DMRTA2: variants seen among roughly 807,000 people sequenced by gnomAD.
DMRTA2 encodes the protein DMRT like family A2.
DMRTA2 carries 10 observed loss-of-function variants against 29.7 expected under a neutral mutation model. The observed-to-expected ratio is 0.34, with a 90% CI of 0.21 to 0.57. The LOEUF (loss-of-function observed/expected upper bound fraction) is 0.57. DMRTA2 is among the 20% of genes least tolerant of loss of function. The pLI, the probability that DMRTA2 is intolerant of heterozygous loss-of-function variation, is 0.87. For missense variants in DMRTA2, 783 were observed against 812.1 expected (o/e 0.96, Z 0.44); for synonymous variants, 469 against 402.6 (o/e 1.16, Z -1.97).
In DMRTA2 at chr1:50,419,765, C is replaced by G. The variant is rs777401368; in HGVS notation, c.560-31G>C. On this transcript the variant is annotated intron_variant, in intron 2 of 2. Coordinates refer to ENST00000404795, the MANE Select transcript of DMRTA2 (RefSeq NM_032110.3). This position sits in a 1 kb window ranked among gnomAD's most constrained non-coding sequence, Gnocchi z 6.1. ...AGGGGAGAAAACGTGTCGTGAGGAG[C>G]GGTTAGCTAGAAGACAGCAGTCACA... 61 of 1,442,804 alleles carry G rather than the reference C, an allele frequency of 4.2e-5. No individual in the cohort carries two copies. Among genetic ancestry groups the G allele is most frequent in the Admixed American group, 8.7e-5 (3 of 34,626 alleles). The allele number at this position is 1,442,804 out of a possible 1,614,324, so 89.4% of individuals were successfully genotyped here. A position where few individuals can be genotyped will look rare whatever the true frequency, so the allele number is the denominator to read the frequency against.
At position 50,421,204 on chromosome 1, in the gene DMRTA2, C is replaced by A. The variant is rs1201001401; in HGVS notation, c.333G>T (p.Ala111=). The change falls in exon 2 of 3, where the codon GCG becomes GCT. Residue 111 remains alanine, a synonymous_variant. Transcript: ENST00000404795. This position sits in a 1 kb window ranked among gnomAD's most constrained non-coding sequence, Gnocchi z 8.7. Reference sequence around the variant, plus strand: ...CCTGCTGCCTGCGCAGCGCCACCTGCGCCGCCATGACACGCTGGCGCTCCG... The same window carrying A: ...CCTGCTGCCTGCGCAGCGCCACCTGAGCCGCCATGACACGCTGGCGCTCCG... The part of the protein sequence containing the change: ...LIAERQRVMA[A]QVALRRQQAQ... The A allele has an allele frequency of 6.5e-7, 1 of 1,536,990 alleles. No homozygotes were observed. Among genetic ancestry groups the A allele is most frequent in the Non-Finnish European group, 8.8e-7 (1 of 1,141,504 alleles).
chr1:50,419,659 G>T lies in DMRTA2; in HGVS notation c.635C>A (p.Pro212Gln), dbSNP rs1646021720. The part of the protein sequence containing the change: ...QAGRPGSPLP[P>Q]PVKPLSPDGA... ...GTCGGGTGATAAGGGCTTCACCGGC[G>T]GCGGCAGCGGGCTGCCCGGGCGGCC... Residue 212 changes from proline to glutamine, a missense_variant, in exon 3 of 3, where the codon CCG (proline) becomes CAG (glutamine). Physicochemically the swap from Pro to Gln is moderately conservative, Grantham distance 76 (BLOSUM62 -1). Around this residue, in one of 3 missense-constraint regions of DMRTA2, gnomAD observed 667 missense variants for 624.8 expected, o/e 1.07. Transcript: ENST00000404795. The surrounding 1 kb of genome is among the most constrained non-coding windows in gnomAD (Gnocchi z 6.1). The T allele has an allele frequency of 1.3e-6, 2 of 1,496,188 alleles. No individual in the cohort carries two copies. The highest frequency in any genetic ancestry group is 2.6e-5 in the East Asian group (1 of 39,122). The allele number at this position is 1,496,188 out of a possible 1,614,324, so 92.7% of individuals were successfully genotyped here. A position where few individuals can be genotyped will look rare whatever the true frequency, so the allele number is the denominator to read the frequency against.
Position 50,422,981 on chromosome 1 carries a change from C to CT in DMRTA2, c.-9+134dup, listed in dbSNP as rs1646049892. On this transcript the variant is annotated intron_variant, in intron 1 of 2. Transcript: ENST00000404795. The surrounding 1 kb of genome is among the most constrained non-coding windows in gnomAD (Gnocchi z 5.7). The stretch of plus-strand genomic sequence containing the variant: ...GTGTCTCCGTCCGAGAGTCCCAGAC[C>CT]TCCTCTCTATGAGCGTTGCCTCCTC... 1 of 152,554 alleles carries CT rather than the reference C, an allele frequency of 6.6e-6. No homozygotes were observed. The highest frequency in any genetic ancestry group is 6.5e-5 in the Admixed American group (1 of 15,296). 9.5% of individuals were successfully genotyped at this position (152,554 alleles called of 1,614,324 possible).
rs1192369267 is a variant in DMRTA2 at position 50,420,760 on chromosome 1, C to T, written c.559+218G>A. ...AAAGCGTGTACATTTCGGCCCGATG[C>T]AGGAGAAAGGGGTAAAGTGCAAATG... On this transcript the variant is annotated intron_variant, in intron 2 of 2. Coordinates refer to ENST00000404795, the MANE Select transcript of DMRTA2 (RefSeq NM_032110.3). This position sits in a 1 kb window ranked among gnomAD's most constrained non-coding sequence, Gnocchi z 4.1. 2.6e-5 allele frequency among the ~76,000 whole-genome samples: 4 copies of T among 152,186 alleles called. No individual in the cohort carries two copies.
chr1:50,420,950 C>A lies in DMRTA2; in HGVS notation c.559+28G>T, dbSNP rs144504138. On this transcript the variant is annotated intron_variant, in intron 2 of 2. Coordinates refer to ENST00000404795, the MANE Select transcript of DMRTA2 (RefSeq NM_032110.3). This position sits in a 1 kb window ranked among gnomAD's most constrained non-coding sequence, Gnocchi z 4.1. Reference sequence around the variant, plus strand: ...GCCCCAGAGCTACGATCCTGCTGCCCCTACCTGCGGCCTGGCCGCGCTCTC... The same window carrying A: ...GCCCCAGAGCTACGATCCTGCTGCCACTACCTGCGGCCTGGCCGCGCTCTC... The A allele has an allele frequency of 9.8e-6, 14 of 1,430,066 alleles. No individual in the cohort carries two copies. The highest frequency in any genetic ancestry group is 1.3e-5 in the Non-Finnish European group (14 of 1,102,354). The allele number at this position is 1,430,066 out of a possible 1,614,324, so 88.6% of individuals were successfully genotyped here.
rs1646030992 is a variant in DMRTA2, at chr1:50,420,746, A to C, written c.559+232T>G. Among the ~76,000 whole-genome samples the C allele has an allele frequency of 6.6e-6, 1 of 152,134 alleles. No homozygotes were observed. Among genetic ancestry groups the C allele is most frequent in the African/African-American group, 2.4e-5 (1 of 41,432 alleles). On this transcript the variant is annotated intron_variant, in intron 2 of 2. Transcript: ENST00000404795. This position sits in a 1 kb window ranked among gnomAD's most constrained non-coding sequence, Gnocchi z 4.1. ...CGAGTAAAAAAATTAAAGCGTGTAC[A>C]TTTCGGCCCGATGCAGGAGAAAGGG... is the stretch of plus-strand genomic sequence containing the variant.
Position 50,420,770 on chromosome 1 carries a change from G to C in DMRTA2, c.559+208C>G, listed in dbSNP as rs2148965598. Among the ~76,000 whole-genome samples the C allele has an allele frequency of 6.6e-6, 1 of 152,326 alleles. No homozygotes were observed. Among genetic ancestry groups the C allele is most frequent in the Middle Eastern group, 3.4e-3 (1 of 294 alleles). On this transcript the variant is annotated intron_variant, in intron 2 of 2. Transcript: ENST00000404795. The surrounding 1 kb of genome is among the most constrained non-coding windows in gnomAD (Gnocchi z 4.1). ...CATTTCGGCCCGATGCAGGAGAAAG[G>C]GGTAAAGTGCAAATGCTCCAGAAGC... is the stretch of plus-strand genomic sequence containing the variant.
In DMRTA2 at chr1:50,421,258, G is replaced by A; in HGVS notation, c.279C>T (p.Asp93=). ...TGAGCGTGCACTTGGCGCACAGGCA[G>A]TCCTTCCAGCGACAGTAGCGTTTGT... is the stretch of plus-strand genomic sequence containing the variant. ...KGHKRYCRWK[D]CLCAKCTLIA... The change falls in exon 2 of 3, where the codon GAC becomes GAT. Residue 93 remains aspartate (D), a synonymous_variant. Transcript: ENST00000404795. This position sits in a 1 kb window ranked among gnomAD's most constrained non-coding sequence, Gnocchi z 8.7. 1 of 1,537,078 alleles carries A rather than the reference G, an allele frequency of 6.5e-7. No individual in the cohort carries two copies. The highest frequency in any genetic ancestry group is 8.8e-7 in the Non-Finnish European group (1 of 1,141,154).
Position 50,418,409 on chromosome 1 carries a change from A to T in DMRTA2, c.*256T>A, listed in dbSNP as rs1312749171. ...TGGAAAGGGGGCCGGGTGAGGCTGGAAGAGGGATCCGGAGGTAGGAGATGA... is the reference window on the plus strand; with the variant it reads ...TGGAAAGGGGGCCGGGTGAGGCTGGTAGAGGGATCCGGAGGTAGGAGATGA... On this transcript the variant is annotated 3_prime_UTR_variant, in exon 3 of 3. Transcript: ENST00000404795. The T allele has an allele frequency of 5.6e-6, 2 of 357,876 alleles. No homozygotes were observed. The highest frequency in any genetic ancestry group is 4.2e-5 in the African/African-American group (2 of 47,802). 22.2% of individuals were successfully genotyped at this position (357,876 alleles called of 1,614,324 possible). A position where few individuals can be genotyped will look rare whatever the true frequency, so the allele number is the denominator to read the frequency against.
Position 50,419,577 on chromosome 1 carries a change from C to G in DMRTA2, c.717G>C (p.Ser239=), listed in dbSNP as rs747667218. The G allele has an allele frequency of 6.4e-7, 1 of 1,555,336 alleles. No individual in the cohort carries two copies. Among genetic ancestry groups the G allele is most frequent in the South Asian group, 1.2e-5 (1 of 82,946 alleles). ...SSPEVRPGSG[S]ENGDGESFSG... ...AAAAGGACTCGCCATCGCCGTTCTC[C>G]GAGCCTGAGCCGGGCCGCACCTCTG... is the stretch of plus-strand genomic sequence containing the variant. The change falls in exon 3 of 3, where the codon TCG becomes TCC. Residue 239 remains serine, a synonymous_variant. Coordinates refer to ENST00000404795, the MANE Select transcript of DMRTA2 (RefSeq NM_032110.3). The surrounding 1 kb of genome is among the most constrained non-coding windows in gnomAD (Gnocchi z 6.1).
Position 50,421,177 on chromosome 1 carries a change from C to T in DMRTA2, c.360G>A (p.Ala120=). ...GCTCGCGCGCCTCGTTCTCCTCCTGCGCCTGCTGCCTGCGCAGCGCCACCT... is the reference window on the plus strand; with the variant it reads ...GCTCGCGCGCCTCGTTCTCCTCCTGTGCCTGCTGCCTGCGCAGCGCCACCT... ...AAQVALRRQQ[A]QEENEARELQ... The change falls in exon 2 of 3, where the codon GCG becomes GCA. Residue 120 remains alanine, a synonymous_variant. Coordinates refer to ENST00000404795, the MANE Select transcript of DMRTA2 (RefSeq NM_032110.3). This position sits in a 1 kb window ranked among gnomAD's most constrained non-coding sequence, Gnocchi z 8.7. The T allele has an allele frequency of 6.5e-7, 1 of 1,537,146 alleles. No homozygotes were observed.
In DMRTA2 at chr1:50,421,820, A is replaced by G. The variant is rs1036519350; in HGVS notation, c.-8-276T>C. Among the ~76,000 whole-genome samples, 5 of 152,236 alleles carry G rather than the reference A, an allele frequency of 3.3e-5. No homozygotes were observed. The highest frequency in any genetic ancestry group is 1.2e-4 in the African/African-American group (5 of 41,458). The stretch of plus-strand genomic sequence containing the variant: ...TTAGTGATTCCGCTGGAAAAAATAA[A>G]GAGACATGTAAAGTGTGAAAGTCAC... On this transcript the variant is annotated intron_variant, in intron 1 of 2. Transcript: ENST00000404795. The surrounding 1 kb of genome is among the most constrained non-coding windows in gnomAD (Gnocchi z 8.7).
Sources: allele counts gnomAD v4.1 joint callset (sites outside exome capture counted in the v4.1 genomes callset), GRCh38; gene constraint gnomAD v4.1.1; regional missense constraint gnomAD v4.1.1; non-coding constraint Gnocchi (gnomAD v3.1); transcripts MANE v1.5; gene names NCBI Gene and HGNC (gene_info 2026-07-23, HGNC 2026-07-21).